The following SLC10A7 variants were observed in gnomAD, a reference collection of about 807,000 sequenced individuals.
SLC10A7 encodes sodium/bile acid cotransporter 7.
SLC10A7 carries 29 observed loss-of-function variants against 43.2 expected under a neutral mutation model. That is an observed-to-expected ratio of 0.67 (90% CI 0.50 to 0.92). The LOEUF (loss-of-function observed/expected upper bound fraction) is 0.92, where lower values mean the gene tolerates loss of function less well. SLC10A7 is among the 40% of genes least tolerant of loss of function. The pLI is 0.00. For synonymous variants in SLC10A7, 152 were observed against 144.8 expected, an observed-to-expected ratio of 1.05 and a Z score of -0.35; for missense variants, 295 against 403.2, an observed-to-expected ratio of 0.73 and a Z score of 2.30.
intron 2 of SLC10A7, chr4:146,514,517 T>C (rs1477871476): frequency 6.6e-6 from 1 of 152,224 alleles, no homozygotes; most frequent in African/African-American, 2.4e-5. Context: ...AGCATTGCAT[T>C]AGCACAGTGT....
intron 10 of SLC10A7, among the ~76,000 whole-genome samples, chr4:146,266,853 A>T (rs1728589489): frequency 6.6e-6 from 1 of 152,192 alleles, no homozygotes; most frequent in African/African-American, 2.4e-5. Context: ...ACCTGTTTTT[A>T]CATGAATGAA....
chr4:146,447,630 A>G (rs557214262), intron 4 of SLC10A7, among the ~76,000 whole-genome samples: 1 of 152,162 alleles, frequency 6.6e-6, no homozygotes, highest in Admixed American at 6.5e-5. Context: ...TATACCTTGG[A>G]GTAATCACAT....
chr4:146,344,684 A>G (rs1734495247), intron 5 of SLC10A7, among the ~76,000 whole-genome samples: 1 of 152,062 alleles, frequency 6.6e-6, no homozygotes, highest in Non-Finnish European at 1.5e-5. Context: ...CAGAGGCTAC[A>G]TGACATGTGA....
chr4:146,257,606 A>C (rs959295906), intron 11 of SLC10A7, among the ~76,000 whole-genome samples: 2 of 152,200 alleles, frequency 1.3e-5, no homozygotes, highest in Non-Finnish European at 2.9e-5. Flanking sequence ...CCTGCAGTGA[A>C]CATCATTGTA....
intron 9 of SLC10A7, among the ~76,000 whole-genome samples, chr4:146,288,668 ACAT>A (rs1730198165): frequency 6.6e-6 from 1 of 152,244 alleles, no homozygotes; most frequent in South Asian, 2.1e-4. Context: ...AGTGTCCTGT[ACAT>A]CATATTTGAG....
At chr4:146,279,144 C>T (rs774972109) in intron 10 of SLC10A7, among the ~76,000 whole-genome samples, 4 of 152,078 alleles carry the variant, frequency 2.6e-5, no homozygotes, top group Non-Finnish European at 5.9e-5. Flanking sequence ...TGGAGTCTTG[C>T]CATTGACTGC....
chr4:146,275,321 T>A (rs532556195), intron 10 of SLC10A7, among the ~76,000 whole-genome samples: 2 of 152,300 alleles, frequency 1.3e-5, no homozygotes, highest in East Asian at 3.9e-4. Context: ...TCAGAATTAC[T>A]GAATAGTAGA....
At chr4:146,268,313 C>G (rs1425551662) in intron 10 of SLC10A7, among the ~76,000 whole-genome samples, 1 of 152,004 alleles carries the variant, frequency 6.6e-6, no homozygotes, top group African/African-American at 2.4e-5. Context: ...AAAAATATTC[C>G]TCTATCCAAA....
At chr4:146,356,947 A>C (rs568910126) in intron 5 of SLC10A7, among the ~76,000 whole-genome samples, 10 of 152,284 alleles carry the variant, frequency 6.6e-5, no homozygotes, top group African/African-American at 2.4e-4. Flanking sequence ...GAAAGTTTCC[A>C]AGGAATAAAC....
chr4:146,290,051 G>A lies in SLC10A7; in HGVS notation c.773+2878C>T, dbSNP rs1448757946. Among the ~76,000 whole-genome samples, 10 of 149,596 alleles carry A rather than the reference G, an allele frequency of 6.7e-5. No individual in the cohort carries two copies. In the East Asian group the frequency reaches 1.6e-3, roughly 24 times the overall value. On this transcript the variant is annotated intron_variant, in intron 9 of 11. Coordinates refer to ENST00000335472, the MANE Select transcript of SLC10A7 (RefSeq NM_001029998.6). ...AAGTACAGAAATTCTTGGGCTGGGC[G>A]TGGTGGCTCACGCCTGTAATCCCAG...
rs758120422 is a variant in SLC10A7 at position 146,503,817 on chromosome 4, T to C, written c.396+32A>G. Reference sequence around the variant, plus strand: ...TTTGAAATAAAAGCACAGCATGCACTTATGTTTAAATAAGGTAGCCCCATG... The same window carrying C: ...TTTGAAATAAAAGCACAGCATGCACCTATGTTTAAATAAGGTAGCCCCATG... On this transcript the variant is annotated intron_variant, in intron 4 of 11. Transcript: ENST00000335472. 1.9e-6 allele frequency: 3 copies of C among 1,594,488 alleles called. No homozygotes were observed. In the South Asian group the frequency reaches 3.3e-5, roughly 18 times the overall value.
chr4:146,288,312 C>T (rs918422866), intron 9 of SLC10A7, among the ~76,000 whole-genome samples: 1 of 152,124 alleles, frequency 6.6e-6, no homozygotes, highest in Non-Finnish European at 1.5e-5. Context: ...GGTAAATTAC[C>T]ACAGCATAAG....
intron 5 of SLC10A7, among the ~76,000 whole-genome samples, chr4:146,399,835 T>TACTCC (rs1281146148): frequency 1.3e-5 from 2 of 152,078 alleles, no homozygotes; most frequent in African/African-American, 4.8e-5. Context: ...ACTTTTTAGA[T>TACTCC]ATCTAGGATG....
rs1734754272 is a variant in SLC10A7, at chr4:146,348,120, C to T, written c.436-22124G>A. On this transcript the variant is annotated intron_variant, in intron 5 of 11. Coordinates refer to ENST00000335472, the MANE Select transcript of SLC10A7 (RefSeq NM_001029998.6). ...GTCACCAAGCTCTAACCTCTCTGAA[C>T]CAAATTCAATGGATCCAGTGTTTAC... 2.6e-5 allele frequency among the ~76,000 whole-genome samples: 4 copies of T among 152,226 alleles called. No individual in the cohort carries two copies. The South Asian group carries it at 8.3e-4, about 32-fold the overall frequency.
intron 1 of SLC10A7, among the ~76,000 whole-genome samples, chr4:146,519,066 CATATATATAT>C (rs869090267): frequency 0.01 from 62 of 5,974 alleles, no homozygotes; most frequent in Admixed American, 0.045. Flanking sequence ...GAAAAATCAC[CATATATATAT>C]ATATATATAT....
intron 4 of SLC10A7, among the ~76,000 whole-genome samples, chr4:146,474,299 A>T (rs1733853452): frequency 6.6e-6 from 1 of 152,182 alleles, no homozygotes; most frequent in African/African-American, 2.4e-5. Flanking sequence ...ACAAAATTAT[A>T]CACATCCCTT....
intron 4 of SLC10A7, among the ~76,000 whole-genome samples, chr4:146,474,222 G>A (rs1733848565): frequency 6.6e-6 from 1 of 151,640 alleles, no homozygotes; most frequent in Non-Finnish European, 1.5e-5. Flanking sequence ...ATATATTGTT[G>A]ATGAAAGTAT....
chr4:146,488,157 C>T (rs2149999252), intron 4 of SLC10A7, among the ~76,000 whole-genome samples: 1 of 152,062 alleles, frequency 6.6e-6, no homozygotes, highest in African/African-American at 2.4e-5. Context: ...TACCACTGTA[C>T]TTCTGCCGTG....
At chr4:146,368,701 C>T (rs1736561081) in intron 5 of SLC10A7, among the ~76,000 whole-genome samples, 1 of 152,104 alleles carries the variant, frequency 6.6e-6, no homozygotes, top group Admixed American at 6.6e-5. Context: ...ATATTTTTAT[C>T]AAGTGTATAT....
Sources: allele counts gnomAD v4.1 joint callset (sites outside exome capture counted in the v4.1 genomes callset), GRCh38; gene constraint gnomAD v4.1.1; transcripts MANE v1.5; gene names NCBI Gene and HGNC (gene_info 2026-07-23, HGNC 2026-07-21).